Variants in RUVBL1 observed in about 807,000 individuals in gnomAD.
RUVBL1 encodes the protein ruvB-like 1.
In RUVBL1, 4 loss-of-function variants were observed where a neutral mutation model predicts 52.4. The observed-to-expected ratio is 0.08, with a 90% CI of 0.04 to 0.17. RUVBL1 has a LOEUF of 0.17. Ranked by LOEUF, RUVBL1 falls within the 10% of genes least tolerant of loss-of-function variation. The pLI is 1.00. For missense variants in RUVBL1, 298 were observed against 572.8 expected (o/e 0.52, Z 4.90); for synonymous variants, 217 against 214.4 (o/e 1.01, Z -0.10).
intron 1 of RUVBL1, among the ~76,000 whole-genome samples, chr3:128,123,081 T>A (rs1212977251): frequency 6.6e-6 from 1 of 152,186 alleles, no homozygotes; most frequent in African/African-American, 2.4e-5. Context: ...GTTTAGTCAA[T>A]TCCCTACTTT....
rs762515526 is a variant in RUVBL1 at position 128,068,108 on chromosome 3, G to C, written c.940-2888C>G. 3.4e-6 allele frequency: 5 copies of C among 1,492,014 alleles called. No individual in the cohort carries two copies. The Admixed American group carries it at 6.7e-5, about 20-fold the overall frequency. 92.4% of individuals were successfully genotyped at this position (1,492,014 alleles called of 1,614,324 possible). On this transcript the variant is annotated intron_variant, in intron 9 of 9. Coordinates refer to the RUVBL1 transcript ENST00000464873. ...AACCTCCCGTCTGTGGACATGTGTT[G>C]TTTCTTTCCATGCAGGGCATCCTGA... is the stretch of plus-strand genomic sequence containing the variant.
intron 6 of RUVBL1, among the ~76,000 whole-genome samples, chr3:128,099,602 G>A (rs917300165): frequency 7.9e-5 from 12 of 152,312 alleles, no homozygotes; most frequent in Non-Finnish European, 1.3e-4. Context: ...CCTCCTGCGG[G>A]CTCCTAACAG....
intron 1 of RUVBL1, among the ~76,000 whole-genome samples, chr3:128,147,463 C>G (rs1470667150): frequency 5.3e-5 from 8 of 152,112 alleles, no homozygotes; most frequent in African/African-American, 1.7e-4. Context: ...CTAGGCTACC[C>G]AGGAGGCTGG....
chr3:128,119,742 A>G (rs1943601573), intron 1 of RUVBL1, among the ~76,000 whole-genome samples: 1 of 152,200 alleles, frequency 6.6e-6, no homozygotes. Context: ...ATTTAATTTG[A>G]TATGTGAACC....
At chr3:128,135,760 G>T (rs1943938941) in intron 1 of RUVBL1, among the ~76,000 whole-genome samples, 1 of 152,180 alleles carries the variant, frequency 6.6e-6, no homozygotes, top group Admixed American at 6.5e-5. Context: ...TCACCTGAAG[G>T]TGCAAAACTC....
intron 9 of RUVBL1, chr3:128,065,401 A>G: frequency 1.8e-6 from 1 of 540,984 alleles, no homozygotes; most frequent in East Asian, 3.0e-5. Context: ...TTTATAGGTA[A>G]CTTCTGCATC....
intron 3 of RUVBL1, among the ~76,000 whole-genome samples, chr3:128,108,363 C>G (rs554017219): frequency 2.6e-5 from 4 of 152,198 alleles, no homozygotes; most frequent in African/African-American, 4.8e-5. Context: ...TGTCCCCTCC[C>G]CTCAAAAATG....
At chr3:128,065,145 T>C in exon 10 of RUVBL1, 1 of 1,205,538 alleles carries the variant, frequency 8.3e-7, no homozygotes, top group Non-Finnish European at 1.2e-6. Flanking sequence ...CATATTGTGT[T>C]GAAACGATGA....
chr3:128,101,553 C>A lies in RUVBL1; in HGVS notation c.603+6G>T. The A allele has an allele frequency of 6.2e-7, 1 of 1,611,964 alleles. No individual in the cohort carries two copies. The highest frequency in any genetic ancestry group is 8.5e-7 in the Non-Finnish European group (1 of 1,178,124). ...GGACAATGCTGTGTCCCAAGGAAGG[C>A]ATTACCTTCACGGCCCCACTGTTGG... On this transcript the variant is annotated splice_donor_region_variant and intron_variant, in intron 5 of 10. Coordinates refer to ENST00000322623, the MANE Select transcript of RUVBL1 (RefSeq NM_003707.3).
At chr3:128,132,254 C>T (rs187796900) in intron 1 of RUVBL1, among the ~76,000 whole-genome samples, 57 of 152,340 alleles carry the variant, frequency 3.7e-4, no homozygotes, top group Non-Finnish European at 7.2e-4. Context: ...TCCGGCCAGC[C>T]TCATCACCGC....
chr3:128,150,868 A>ATATTC (rs1944186693), intron 1 of RUVBL1, among the ~76,000 whole-genome samples: 2 of 73,446 alleles, frequency 2.7e-5, no homozygotes, highest in Non-Finnish European at 4.6e-5. Flanking sequence ...TATATATTAT[A>ATATTC]TATATATATT....
At chr3:128,065,376 A>G (rs1941935619) in intron 9 of RUVBL1, 1 of 567,022 alleles carries the variant, frequency 1.8e-6, no homozygotes. Context: ...TCTCTTATAG[A>G]AAGTTTGTAT....
chr3:128,094,846 A>G (rs554592509), intron 8 of RUVBL1, among the ~76,000 whole-genome samples: 2 of 152,324 alleles, frequency 1.3e-5, no homozygotes, highest in African/African-American at 4.8e-5. Flanking sequence ...TGTGGGAAGC[A>G]TATCAGATGG....
At chr3:128,077,933 C>A (rs376612383), downstream of RUVBL1, among the ~76,000 whole-genome samples, 19 of 152,308 alleles carry the variant, frequency 1.2e-4, no homozygotes, top group East Asian at 1.2e-3. Context: ...TTCACCAAGT[C>A]CTCACATGGG....
rs941155845 is a variant in RUVBL1, at chr3:128,067,877, A to G, written c.940-2657T>C. ...CAGTTTTAAAGTTCTCTGTATGAAT[A>G]TTGTCAGTGCTCGAAGAGGCGATCT... On this transcript the variant is annotated intron_variant, in intron 9 of 9. Coordinates refer to the RUVBL1 transcript ENST00000464873. The surrounding 1 kb of genome is among the most constrained non-coding windows in gnomAD (Gnocchi z 4.1). 5 of 886,142 alleles carry G rather than the reference A, an allele frequency of 5.6e-6. No homozygotes were observed. Among genetic ancestry groups the G allele is most frequent in the South Asian group, 4.1e-5 (3 of 72,806 alleles). The allele number at this position is 886,142 out of a possible 1,614,324, so 54.9% of individuals were successfully genotyped here.
chr3:128,083,806 A>C (rs1445564459), intron 9 of RUVBL1: 1 of 152,336 alleles, frequency 6.6e-6, no homozygotes, highest in Non-Finnish European at 1.5e-5. Flanking sequence ...GGCAGGACAC[A>C]ATGGCTCACG....
intron 1 of RUVBL1, among the ~76,000 whole-genome samples, chr3:128,121,209 C>T (rs146180134): frequency 2.6e-4 from 40 of 151,602 alleles, no homozygotes; most frequent in African/African-American, 9.2e-4. Context: ...GATTCTCCTG[C>T]CTCAGCCTCA....
At chr3:128,084,661 G>A (rs1450193791) in intron 9 of RUVBL1, 1 of 152,178 alleles carries the variant, frequency 6.6e-6, no homozygotes, top group Non-Finnish European at 1.5e-5. Flanking sequence ...CAGGCTGCTC[G>A]AAAATGGACA....
chr3:128,067,779 G>A lies in RUVBL1; in HGVS notation c.940-2559C>T, dbSNP rs1442870505. ...AAGGGCTGACAGATGGAGTCCAGCA[G>A]TAGATCAGCTGTGGGTATGAGAATC... On this transcript the variant is annotated intron_variant, in intron 9 of 9. Coordinates refer to the RUVBL1 transcript ENST00000464873. This position sits in a 1 kb window ranked among gnomAD's most constrained non-coding sequence, Gnocchi z 4.1. The A allele has an allele frequency of 1.5e-6, 1 of 670,110 alleles. No homozygotes were observed. Among genetic ancestry groups the A allele is most frequent in the African/African-American group, 1.8e-5 (1 of 55,362 alleles). The allele number at this position is 670,110 out of a possible 1,614,324, so 41.5% of individuals were successfully genotyped here.
Sources: gnomAD v4.1 joint callset for allele counts (sites outside exome capture counted in the v4.1 genomes callset) on GRCh38, gnomAD v4.1.1 for gene constraint, Gnocchi (gnomAD v3.1) non-coding constraint, MANE v1.5 for transcripts, NCBI Gene and HGNC (gene_info 2026-07-23, HGNC 2026-07-21) for gene names.